Variants in DCC observed in about 807,000 individuals in gnomAD.
The protein encoded by DCC is DCC netrin 1 receptor.
A neutral mutation model predicts 172.5 loss-of-function variants in DCC; 58 were observed. The observed-to-expected ratio is 0.34, with a 90% CI of 0.27 to 0.42. The LOEUF is 0.42. Ranked by LOEUF, DCC falls within the 10% of genes least tolerant of loss-of-function variation. DCC has a pLI of 1.00. For synonymous variants in DCC, 709 were observed against 644.5 expected, an observed-to-expected ratio of 1.10 and a Z score of -1.52; for missense variants, 1,740 against 1,791.0, an observed-to-expected ratio of 0.97 and a Z score of 0.51.
chr18:52,413,929 G>C (rs1031362520), intron 1 of DCC, among the ~76,000 whole-genome samples: 9 of 152,060 alleles, frequency 5.9e-5, no homozygotes, highest in Non-Finnish European at 1.3e-4. Flanking sequence ...TCTGCAAATA[G>C]AATGATTTGT....
At chr18:52,420,118 G>A (rs1381822115) in intron 1 of DCC, among the ~76,000 whole-genome samples, 4 of 152,104 alleles carry the variant, frequency 2.6e-5, no homozygotes. Flanking sequence ...TGCATATCCT[G>A]TACATTTTTA....
intron 18 of DCC, among the ~76,000 whole-genome samples, chr18:53,402,098 A>T (rs970926630): frequency 4.6e-5 from 7 of 152,172 alleles, no homozygotes; most frequent in Non-Finnish European, 1.0e-4. Context: ...CATTTTAAAA[A>T]CTTTTTGGCT....
At chr18:52,748,951 C>T (rs1412731556) in intron 1 of DCC, among the ~76,000 whole-genome samples, 1 of 152,182 alleles carries the variant, frequency 6.6e-6, no homozygotes, top group Non-Finnish European at 1.5e-5. Context: ...AATCTCAGCA[C>T]TTCGGGAGGC....
chr18:53,306,037 A>T (rs549327184), intron 13 of DCC, among the ~76,000 whole-genome samples: 1 of 152,320 alleles, frequency 6.6e-6, no homozygotes, highest in South Asian at 2.1e-4. Context: ...AACTTTTAAA[A>T]GTCATCTAAT....
intron 1 of DCC, among the ~76,000 whole-genome samples, chr18:52,689,686 A>T (rs1368221385): frequency 1.3e-5 from 2 of 152,136 alleles, no homozygotes; most frequent in Non-Finnish European, 2.9e-5. Flanking sequence ...AAATTAGAAA[A>T]TATAGAAATA....
intron 1 of DCC, among the ~76,000 whole-genome samples, chr18:52,650,873 A>G (rs542211403): frequency 6.6e-6 from 1 of 152,376 alleles, no homozygotes; most frequent in Admixed American, 6.5e-5. Context: ...TTTATGAAAT[A>G]GAAGATATCT....
intron 15 of DCC, among the ~76,000 whole-genome samples, 159 bp downstream of exon 15, chr18:53,340,066 A>G (rs2057639370): frequency 8.0e-6 from 1 of 125,560 alleles, no homozygotes; most frequent in Non-Finnish European, 1.8e-5. Context: ...ACACACACAC[A>G]CACACACACA....
chr18:53,404,688 G>A (rs1040702322), intron 19 of DCC, among the ~76,000 whole-genome samples: 2 of 151,430 alleles, frequency 1.3e-5, no homozygotes, highest in Admixed American at 6.6e-5. Flanking sequence ...CCCCGTTCGC[G>A]CTACTGCACT....
At position 53,206,377 on chromosome 18, in the gene DCC, A is replaced by G. The variant is rs369529691; in HGVS notation, c.1722+1013A>G. Among the ~76,000 whole-genome samples, 133 of 37,820 alleles carry G rather than the reference A, an allele frequency of 3.5e-3. 1 individual carries two copies. Among genetic ancestry groups the G allele is most frequent in the Middle Eastern group, 0.033 (1 of 30 alleles). 24.8% of individuals were successfully genotyped at this position (37,820 alleles called of 152,430 possible). ...TATACATATATGTATTGTAACACAT[A>G]TATGTATATATGTATATATACATAT... On this transcript the variant is annotated intron_variant, in intron 10 of 28. Coordinates refer to ENST00000442544, the MANE Select transcript of DCC (RefSeq NM_005215.4).
intron 1 of DCC, among the ~76,000 whole-genome samples, chr18:52,684,994 T>A (rs955794372): frequency 1.1e-4 from 16 of 152,060 alleles, no homozygotes; most frequent in Non-Finnish European, 8.8e-5. Flanking sequence ...CAATTCCTAT[T>A]TTTTTTACCA....
intron 2 of DCC, among the ~76,000 whole-genome samples, chr18:52,786,371 A>G (rs1305144624): frequency 6.6e-6 from 1 of 152,064 alleles, no homozygotes; most frequent in Non-Finnish European, 1.5e-5. Flanking sequence ...GTAGGCAAAA[A>G]AACTTAAAAA....
intron 5 of DCC, among the ~76,000 whole-genome samples, chr18:53,010,184 C>T (rs906844618): frequency 6.6e-6 from 1 of 151,832 alleles, no homozygotes; most frequent in Non-Finnish European, 1.5e-5. Context: ...AAGCAAAATA[C>T]CCTGTCTAAT....
At chr18:52,793,507 G>A (rs1290218809) in intron 2 of DCC, among the ~76,000 whole-genome samples, 1 of 152,092 alleles carries the variant, frequency 6.6e-6, no homozygotes, top group Non-Finnish European at 1.5e-5. Flanking sequence ...TGGCTGTTGA[G>A]TTGTTTCAGT....
At chr18:52,544,777 CT>C (rs1328794581) in intron 1 of DCC, among the ~76,000 whole-genome samples, 2 of 152,120 alleles carry the variant, frequency 1.3e-5, no homozygotes, top group Non-Finnish European at 2.9e-5. Context: ...TCTATTCTGT[CT>C]TTTAAAAAAA....
At chr18:52,723,062 C>CA (rs1599048568) in intron 1 of DCC, among the ~76,000 whole-genome samples, 1 of 152,258 alleles carries the variant, frequency 6.6e-6, no homozygotes, top group African/African-American at 2.4e-5. Context: ...CTGCTTTTGA[C>CA]AAAGTCTGAT....
chr18:53,416,519 G>A, intron 21 of DCC: 1 of 350,738 alleles, frequency 2.9e-6, no homozygotes, highest in South Asian at 2.7e-5. Flanking sequence ...CCTGAGCTAT[G>A]GATTAAAGTT....
chr18:52,853,275 T>C (rs955810160), intron 2 of DCC, among the ~76,000 whole-genome samples: 1 of 152,196 alleles, frequency 6.6e-6, no homozygotes, highest in Non-Finnish European at 1.5e-5. Context: ...ATAAATCTTC[T>C]GTAAGCCATT....
intron 1 of DCC, among the ~76,000 whole-genome samples, chr18:52,478,138 A>C (rs1249973122): frequency 6.6e-6 from 1 of 152,118 alleles, no homozygotes; most frequent in Non-Finnish European, 1.5e-5. Flanking sequence ...CCTGGGTTAC[A>C]ATCCTACATT....
intron 2 of DCC, among the ~76,000 whole-genome samples, chr18:52,876,227 T>G (rs1056583194): frequency 2.0e-5 from 3 of 152,178 alleles, no homozygotes; most frequent in Admixed American, 1.3e-4. Context: ...CACTTTTCTG[T>G]TTTTACATCA....
Sources: allele counts gnomAD v4.1 joint callset (sites outside exome capture counted in the v4.1 genomes callset), GRCh38; gene constraint gnomAD v4.1.1; transcripts MANE v1.5; gene names NCBI Gene and HGNC (gene_info 2026-07-23, HGNC 2026-07-21).